Variants in EPHA6 observed in about 807,000 individuals in gnomAD.
EPHA6 encodes the protein ephrin type-A receptor 6.
Under a neutral mutation model 112.0 loss-of-function variants are expected in EPHA6, and 50 were observed. The observed-to-expected ratio is 0.45, with a 90% confidence interval of 0.36 to 0.56. The LOEUF (loss-of-function observed/expected upper bound fraction) is 0.56. Among genes scored for constraint, EPHA6 ranks in the 20% least tolerant of loss-of-function variants. The pLI is 0.00. For synonymous variants in EPHA6, 529 were observed against 490.7 expected, an observed-to-expected ratio of 1.08 and a Z score of -1.03; for missense variants, 1,280 against 1,417.4, an observed-to-expected ratio of 0.90 and a Z score of 1.56.
intron 3 of EPHA6, among the ~76,000 whole-genome samples, chr3:97,141,862 AC>A (rs2075914844): frequency 6.6e-6 from 1 of 151,920 alleles, no homozygotes; most frequent in Admixed American, 6.6e-5. Flanking sequence ...GAGACAAAAA[AC>A]AAGAAAAAGA....
At chr3:97,661,682 A>G (rs1443312416) in intron 14 of EPHA6, among the ~76,000 whole-genome samples, 12 of 152,144 alleles carry the variant, frequency 7.9e-5, no homozygotes, top group Non-Finnish European at 1.6e-4. Context: ...TAAAAGGAAA[A>G]TCCTACTTGA....
rs143459660 is a variant in EPHA6 at position 97,251,254 on chromosome 3, G to A, written c.1606+6967G>A. 1.5e-3 allele frequency among the ~76,000 whole-genome samples: 226 copies of A among 152,204 alleles called. 1 individual carries two copies. Among genetic ancestry groups the A allele is most frequent in the African/African-American group, 5.3e-3 (220 of 41,554 alleles). Reference sequence around the variant, plus strand: ...TGTGTAAGAATAAAACAAAAGGCCGGGCGCAGTGGCTCACGCCTGTAATCT... The same window carrying A: ...TGTGTAAGAATAAAACAAAAGGCCGAGCGCAGTGGCTCACGCCTGTAATCT... On this transcript the variant is annotated intron_variant, in intron 5 of 17. Coordinates refer to ENST00000389672, the MANE Select transcript of EPHA6 (RefSeq NM_001080448.3).
chr3:97,161,212 G>C (rs558651950), intron 3 of EPHA6, among the ~76,000 whole-genome samples: 2 of 152,172 alleles, frequency 1.3e-5, no homozygotes, highest in South Asian at 4.1e-4. Context: ...TTAAGTGTTC[G>C]GTCTCTACTA....
rs2038289330 is a variant in EPHA6 at position 96,896,732 on chromosome 3, TATG to T, written c.450+29846_450+29848del. Among the ~76,000 whole-genome samples, 3 of 152,330 alleles carry T rather than the reference TATG, an allele frequency of 2.0e-5. No individual in the cohort carries two copies. The South Asian group carries it at 6.2e-4, about 32-fold the overall frequency. ...AGGAAGGGCCATCAAAGCAAGGAAT[TATG>T]ATATCACCTTAATGGGAAATTCAAC... On this transcript the variant is annotated intron_variant, in intron 2 of 17. Coordinates refer to ENST00000389672, the MANE Select transcript of EPHA6 (RefSeq NM_001080448.3).
chr3:97,077,549 C>T (rs903342839), intron 3 of EPHA6, among the ~76,000 whole-genome samples: 2 of 151,960 alleles, frequency 1.3e-5, no homozygotes, highest in Non-Finnish European at 2.9e-5. Context: ...CGCCCCATCC[C>T]CCTCCCCTGA....
intron 1 of EPHA6, among the ~76,000 whole-genome samples, chr3:96,841,014 C>T (rs1439543646): frequency 2.0e-5 from 3 of 151,886 alleles, no homozygotes; most frequent in African/African-American, 4.8e-5. Flanking sequence ...GACATGTGCC[C>T]GTGATAGTCT....
intron 3 of EPHA6, among the ~76,000 whole-genome samples, chr3:97,169,083 C>T (rs1281354259): frequency 6.6e-6 from 1 of 152,150 alleles, no homozygotes; most frequent in Non-Finnish European, 1.5e-5. Flanking sequence ...ACATTGGAGA[C>T]TGTCTTATGC....
intron 11 of EPHA6, among the ~76,000 whole-genome samples, chr3:97,587,012 G>C (rs975499009): frequency 7.9e-5 from 12 of 152,162 alleles, no homozygotes; most frequent in African/African-American, 2.7e-4. Flanking sequence ...GAAAGCCGAG[G>C]TGGGCGGATC....
At chr3:97,352,291 T>C (rs2083853494) in intron 5 of EPHA6, among the ~76,000 whole-genome samples, 1 of 152,048 alleles carries the variant, frequency 6.6e-6, no homozygotes, top group African/African-American at 2.4e-5. Flanking sequence ...GAGCACCAAA[T>C]TGAACAACTG....
rs1050073795 is a variant in EPHA6, at chr3:97,755,086, CATT to C, written c.*6387_*6389del. Among the ~76,000 whole-genome samples, 15 of 152,170 alleles carry C rather than the reference CATT, an allele frequency of 9.9e-5. No homozygotes were observed. The highest frequency in any genetic ancestry group is 1.6e-4 in the Non-Finnish European group (11 of 68,028). On this transcript the variant is annotated 3_prime_UTR_variant, in exon 18 of 18. Transcript: ENST00000389672. ...TAATCAAAGTAACAAATCTCTACAT[CATT>C]AAGAGAACTTTTGATTTGTTTCATT...
At chr3:97,259,554 T>C (rs988614359) in intron 5 of EPHA6, among the ~76,000 whole-genome samples, 1 of 152,188 alleles carries the variant, frequency 6.6e-6, no homozygotes, top group Admixed American at 6.5e-5. Flanking sequence ...TGTATTTTAT[T>C]GTTTTGCTCA....
intron 3 of EPHA6, among the ~76,000 whole-genome samples, chr3:97,070,377 A>T (rs973459606): frequency 2.0e-5 from 3 of 152,138 alleles, no homozygotes; most frequent in African/African-American, 4.8e-5. Flanking sequence ...ATATTTGTTT[A>T]GTTGGCTAAA....
chr3:97,543,320 C>A (rs1305407899), intron 11 of EPHA6, among the ~76,000 whole-genome samples: 2 of 152,124 alleles, frequency 1.3e-5, no homozygotes, highest in African/African-American at 2.4e-5. Context: ...TATGGCTAGC[C>A]AGTTTTCCCA....
At chr3:97,020,060 A>G (rs2044399772) in intron 3 of EPHA6, among the ~76,000 whole-genome samples, 1 of 152,200 alleles carries the variant, frequency 6.6e-6, no homozygotes, top group African/African-American at 2.4e-5. Context: ...TCTAAGTTGT[A>G]GTATGCCAGT....
intron 10 of EPHA6, among the ~76,000 whole-genome samples, chr3:97,485,375 C>T (rs2091674819): frequency 6.6e-6 from 1 of 152,158 alleles, no homozygotes; most frequent in Non-Finnish European, 1.5e-5. Context: ...CACCTAAACT[C>T]AAGGCTGTAC....
intron 14 of EPHA6, among the ~76,000 whole-genome samples, chr3:97,692,019 C>A (rs2032702853): frequency 6.6e-6 from 1 of 152,156 alleles, no homozygotes; most frequent in Admixed American, 6.5e-5. Flanking sequence ...TCCCTTGGAT[C>A]TGAGTTTATT....
At chr3:97,243,867 A>C in intron 4 of EPHA6, 85 bp from the exon 5 acceptor site, 4 of 981,798 alleles carry the variant, frequency 4.1e-6, no homozygotes, top group Non-Finnish European at 3.0e-6. Flanking sequence ...AAGAGCAACA[A>C]GTGTTTATTG....
chr3:96,887,098 T>G (rs2107528042), intron 2 of EPHA6, among the ~76,000 whole-genome samples: 1 of 152,328 alleles, frequency 6.6e-6, no homozygotes, highest in Admixed American at 6.5e-5. Context: ...CAGGGATTTC[T>G]TCTTGGTTTG....
At chr3:97,309,579 T>TA (rs1276471593) in intron 5 of EPHA6, among the ~76,000 whole-genome samples, 1 of 151,646 alleles carries the variant, frequency 6.6e-6, no homozygotes, top group Non-Finnish European at 1.5e-5. Context: ...TGATAATAGT[T>TA]ACTGAATTAA....
Sources: allele counts gnomAD v4.1 joint callset (sites outside exome capture counted in the v4.1 genomes callset), GRCh38; gene constraint gnomAD v4.1.1; transcripts MANE v1.5; gene names NCBI Gene and HGNC (gene_info 2026-07-23, HGNC 2026-07-21).